Variants in DBF4 observed in about 807,000 individuals in gnomAD.
DBF4 encodes DBF4-CDC7 kinase regulatory subunit.
DBF4 carries 25 observed loss-of-function variants against 76.6 expected under a neutral mutation model. That is an observed-to-expected ratio of 0.33 (90% CI 0.24 to 0.46). The LOEUF (loss-of-function observed/expected upper bound fraction) is 0.46, where lower values mean the gene tolerates loss of function less well. DBF4 is among the 20% of genes least tolerant of loss of function. DBF4 has a pLI of 1.00. For missense variants in DBF4, 638 were observed against 760.8 expected (o/e 0.84, Z 1.90); for synonymous variants, 213 against 258.0 (o/e 0.83, Z 1.67).
intron 3 of DBF4, among the ~76,000 whole-genome samples, chr7:87,886,493 C>T (rs1341029348): frequency 6.9e-6 from 1 of 145,354 alleles, no homozygotes; most frequent in East Asian, 2.0e-4. Context: ...TGAGATCACA[C>T]CACTGTACTC....
intron 6 of DBF4, among the ~76,000 whole-genome samples, chr7:87,894,237 C>CT (rs1379521439): frequency 6.6e-6 from 1 of 152,200 alleles, no homozygotes; most frequent in African/African-American, 2.4e-5. Flanking sequence ...GGGTGGATCA[C>CT]TTTAGCTCAG....
At chr7:87,886,944 T>C in intron 4 of DBF4, 50 bp downstream of exon 4, 1 of 1,234,516 alleles carries the variant, frequency 8.1e-7, no homozygotes, top group Non-Finnish European at 1.1e-6. Flanking sequence ...TATTAAAAAC[T>C]CAACTGGAAA....
intron 10 of DBF4, among the ~76,000 whole-genome samples, chr7:87,904,005 G>A (rs772107274): frequency 3.3e-5 from 5 of 152,028 alleles, no homozygotes; most frequent in Non-Finnish European, 5.9e-5. Context: ...CTGTGTCTTC[G>A]TTTTCTGACA....
At chr7:87,890,484 A>T (rs1332436040) in intron 6 of DBF4, among the ~76,000 whole-genome samples, 1 of 152,158 alleles carries the variant, frequency 6.6e-6, no homozygotes, top group Non-Finnish European at 1.5e-5. Flanking sequence ...GTGAGCCGGG[A>T]TCACCCCCAC....
At chr7:87,890,680 C>T (rs1176903385) in intron 6 of DBF4, among the ~76,000 whole-genome samples, 2 of 152,142 alleles carry the variant, frequency 1.3e-5, no homozygotes, top group African/African-American at 4.8e-5. Context: ...AGTGCCTAGT[C>T]AGTGTCTTGA....
chr7:87,908,217 T>G lies in DBF4; in HGVS notation c.*54T>G, dbSNP rs1343229549. On this transcript the variant is annotated 3_prime_UTR_variant, in exon 12 of 12. Transcript: ENST00000265728. ...TGATAAGGATCATATTCTTGAAATTTTTATAAATATGTATGGAAATTCTTA... is the reference window on the plus strand; with the variant it reads ...TGATAAGGATCATATTCTTGAAATTGTTATAAATATGTATGGAAATTCTTA... 7.3e-7 allele frequency: 1 copy of G among 1,363,898 alleles called. No homozygotes were observed. The highest frequency in any genetic ancestry group is 9.6e-7 in the Non-Finnish European group (1 of 1,046,556). The allele number at this position is 1,363,898 out of a possible 1,614,324, so 84.5% of individuals were successfully genotyped here.
rs991372298 is a variant in DBF4 at position 87,908,251 on chromosome 7, T to C, written c.*88T>C. 5 of 1,304,300 alleles carry C rather than the reference T, an allele frequency of 3.8e-6. No homozygotes were observed. In the African/African-American group the frequency reaches 7.6e-5, roughly 20 times the overall value. The allele number at this position is 1,304,300 out of a possible 1,614,324, so 80.8% of individuals were successfully genotyped here. On this transcript the variant is annotated 3_prime_UTR_variant, in exon 12 of 12. Transcript: ENST00000265728. ...ATGTATGGAAATTCTTAGGATTTTT[T>C]TACCAGCTTTGTTTACAGACCCAAA...
chr7:87,892,158 G>C (rs947461763), intron 6 of DBF4, among the ~76,000 whole-genome samples: 1 of 152,170 alleles, frequency 6.6e-6, no homozygotes, highest in African/African-American at 2.4e-5. Flanking sequence ...TACATTCTAT[G>C]AGTTTTGACA....
intron 10 of DBF4, among the ~76,000 whole-genome samples, 200 bp from the exon 11 acceptor site, chr7:87,904,092 A>G (rs1330448324): frequency 1.3e-5 from 2 of 152,234 alleles, no homozygotes; most frequent in East Asian, 1.9e-4. Flanking sequence ...AAACCAAAGT[A>G]GTTTTACTGG....
At position 87,908,019 on chromosome 7, in the gene DBF4, G is replaced by T. The variant is rs1179144943; in HGVS notation, c.1881G>T (p.Glu627Asp). The stretch of plus-strand genomic sequence containing the variant: ...TAGACTTGTTTCAGACTAGTGAAGA[G>T]AAATCAGAATTTTTGGGTTTCACAA... ...SLLDLFQTSE[E>D]KSEFLGFTSY... is the part of the protein sequence containing the mutation. The change falls in exon 12 of 12, where the codon GAG (glutamate) becomes GAT (aspartate). Residue 627 changes from glutamate to aspartate, a missense_variant. By Grantham distance (45) the Glu-to-Asp change is conservative. Transcript: ENST00000265728. 3.7e-6 allele frequency: 6 copies of T among 1,613,696 alleles called. No homozygotes were observed. The highest frequency in any genetic ancestry group is 1.7e-5 in the Admixed American group (1 of 59,988).
intron 10 of DBF4, among the ~76,000 whole-genome samples, chr7:87,903,785 C>G (rs1246262372): frequency 6.7e-6 from 1 of 150,198 alleles, no homozygotes; most frequent in East Asian, 2.0e-4. Context: ...CCCTCCACCT[C>G]CTGGGTTCAA....
chr7:87,893,829 G>T lies in DBF4; in HGVS notation c.598-2645G>T, dbSNP rs868220283. Among the ~76,000 whole-genome samples the T allele has an allele frequency of 2.0e-5, 3 of 152,010 alleles. No individual in the cohort carries two copies. The East Asian group carries it at 5.8e-4, about 29-fold the overall frequency. The stretch of plus-strand genomic sequence containing the variant: ...ATGTAACTATTGATCTTGTATTTAG[G>T]TCTACCATCTTACTGTTAGTTTTCT... On this transcript the variant is annotated intron_variant, in intron 6 of 11. Coordinates refer to ENST00000265728, the MANE Select transcript of DBF4 (RefSeq NM_006716.4).
chr7:87,905,564 A>G (rs1205525565), intron 11 of DBF4, among the ~76,000 whole-genome samples: 2 of 152,194 alleles, frequency 1.3e-5, no homozygotes, highest in African/African-American at 4.8e-5. Context: ...CCAACTGCAC[A>G]TTGACAAAAA....
At chr7:87,884,912 G>A (rs1366176832) in intron 2 of DBF4, 67 bp from the exon 3 acceptor site, 1 of 1,229,466 alleles carries the variant, frequency 8.1e-7, no homozygotes, top group African/African-American at 1.5e-5. Flanking sequence ...ACTCTAGCCT[G>A]GATAACACAG....
At position 87,881,581 on chromosome 7, in the gene DBF4, G is replaced by A. The variant is rs574210156; in HGVS notation, c.219+3356G>A. ...TGTGGGTTTTGTTCACACACAACTGGAACACGGCTTTGAAGAATGATGAAG... is the reference window on the plus strand; with the variant it reads ...TGTGGGTTTTGTTCACACACAACTGAAACACGGCTTTGAAGAATGATGAAG... On this transcript the variant is annotated intron_variant, in intron 2 of 11. Transcript: ENST00000265728. Among the ~76,000 whole-genome samples, 18 of 152,290 alleles carry A rather than the reference G, an allele frequency of 1.2e-4. No individual in the cohort carries two copies. In the South Asian group the frequency reaches 2.1e-3, roughly 18 times the overall value.
chr7:87,891,153 C>T (rs1377941257), intron 6 of DBF4, among the ~76,000 whole-genome samples: 2 of 145,142 alleles, frequency 1.4e-5, no homozygotes, highest in African/African-American at 5.0e-5. Flanking sequence ...ATTTAAAGTG[C>T]TTTGAGGTTT....
chr7:87,897,293 G>T lies in DBF4; in HGVS notation c.635-1G>T, dbSNP rs1203716198. On this transcript the variant is annotated splice_acceptor_variant, in intron 7 of 11. Transcript: ENST00000265728. LOFTEE classifies it high-confidence loss of function. ...TCTAATATGTTTTCTATGTTCTCAAGCAGGAAGACTCAAAAAGCCTTTTGT... is the reference window on the plus strand; with the variant it reads ...TCTAATATGTTTTCTATGTTCTCAATCAGGAAGACTCAAAAAGCCTTTTGT... 6.2e-7 allele frequency: 1 copy of T among 1,609,900 alleles called. No individual in the cohort carries two copies. The highest frequency in any genetic ancestry group is 8.5e-7 in the Non-Finnish European group (1 of 1,178,674).
intron 2 of DBF4, 140 bp from the exon 3 acceptor site, chr7:87,884,839 A>G: frequency 1.7e-6 from 1 of 581,048 alleles, no homozygotes. Flanking sequence ...CAGAAGGCCA[A>G]GGCGGGAGGA....
chr7:87,896,621 G>T, intron 7 of DBF4, 111 bp downstream of exon 7: 1 of 952,644 alleles, frequency 1.0e-6, no homozygotes. Flanking sequence ...GGCTTTCTTC[G>T]TCTTTATAGA....
Sources: allele counts gnomAD v4.1 joint callset (sites outside exome capture counted in the v4.1 genomes callset), GRCh38; gene constraint gnomAD v4.1.1; transcripts MANE v1.5; gene names NCBI Gene and HGNC (gene_info 2026-07-23, HGNC 2026-07-21).